The following TNIK variants were observed in gnomAD, a reference collection of about 807,000 sequenced individuals.
TNIK encodes TRAF2 and NCK-interacting protein kinase.
Under a neutral mutation model 191.3 loss-of-function variants are expected in TNIK, and 49 were observed. The observed-to-expected ratio is 0.26, with a 90% CI of 0.20 to 0.32. The LOEUF is 0.32. Ranked by LOEUF, TNIK falls within the 10% of genes least tolerant of loss-of-function variation. The pLI is 1.00. For missense variants in TNIK, 1,155 were observed against 1,702.3 expected, an observed-to-expected ratio of 0.68 and a Z score of 5.66; for synonymous variants, 594 against 600.9, an observed-to-expected ratio of 0.99 and a Z score of 0.17.
At chr3:171,177,529 A>C in intron 7 of TNIK, 149 bp from the exon 8 acceptor site, 1 of 922,724 alleles carries the variant, frequency 1.1e-6, no homozygotes, top group Non-Finnish European at 1.6e-6. Flanking sequence ...AAGCAGAAAC[A>C]GTCTTACTTT....
In TNIK at chr3:171,354,481, A is replaced by G. The variant is rs556463154; in HGVS notation, c.123+15139T>C. 4.6e-5 allele frequency among the ~76,000 whole-genome samples: 7 copies of G among 152,302 alleles called. No individual in the cohort carries two copies. In the South Asian group the frequency reaches 1.5e-3, roughly 32 times the overall value. On this transcript the variant is annotated intron_variant, in intron 2 of 32. Coordinates refer to ENST00000436636, the MANE Select transcript of TNIK (RefSeq NM_015028.4). The stretch of plus-strand genomic sequence containing the variant: ...AGCAGGACTCGGCTGACACAAGACT[A>G]AAGCCTAGGAGTTCTCTGTGTCCTT...
chr3:171,252,574 T>C (rs925505613), intron 2 of TNIK, among the ~76,000 whole-genome samples: 2 of 152,188 alleles, frequency 1.3e-5, no homozygotes, highest in African/African-American at 2.4e-5. Flanking sequence ...CTCTGCATTG[T>C]TCTCCCAGCT....
intron 2 of TNIK, among the ~76,000 whole-genome samples, chr3:171,358,757 A>C (rs1268789746): frequency 6.6e-6 from 1 of 152,204 alleles, no homozygotes; most frequent in East Asian, 1.9e-4. Flanking sequence ...AGTCACCTGC[A>C]GATAATAAAG....
At chr3:171,301,467 G>A (rs996007281) in intron 2 of TNIK, among the ~76,000 whole-genome samples, 3 of 151,840 alleles carry the variant, frequency 2.0e-5, no homozygotes, top group Non-Finnish European at 2.9e-5. Context: ...TGTATACACC[G>A]CCATGCCTGG....
chr3:171,140,013 A>G (rs1730589768), intron 13 of TNIK, among the ~76,000 whole-genome samples: 1 of 152,218 alleles, frequency 6.6e-6, no homozygotes, highest in Admixed American at 6.5e-5. Flanking sequence ...GATTCTAGCA[A>G]AGAGAGATGG....
intron 2 of TNIK, among the ~76,000 whole-genome samples, chr3:171,244,259 G>T (rs1451248445): frequency 1.3e-5 from 2 of 151,838 alleles, no homozygotes; most frequent in Non-Finnish European, 2.9e-5. Flanking sequence ...TAGAGACGGG[G>T]TTTCACCATG....
chr3:171,317,153 T>C (rs892296752), intron 2 of TNIK, among the ~76,000 whole-genome samples: 2 of 152,074 alleles, frequency 1.3e-5, no homozygotes, highest in Non-Finnish European at 2.9e-5. Flanking sequence ...GATGATTAAC[T>C]ACCAAAGTAA....
chr3:171,415,973 C>CAAAA lies in TNIK; in HGVS notation c.57+44030_57+44033dup, dbSNP rs769531813. On this transcript the variant is annotated intron_variant, in intron 1 of 32. Transcript: ENST00000436636. ...CCTGGGTGACAGAGCGAGACTGTCT[C>CAAAA]AAAAAAAAAAAAAAAAAAAAAAAAG... Among the ~76,000 whole-genome samples the CAAAA allele has an allele frequency of 0.023, 279 of 12,316 alleles. 20 individuals carry two copies. The Middle Eastern group carries it at 0.25, about 11-fold the overall frequency. 8.1% of individuals were successfully genotyped at this position (12,316 alleles called of 152,430 possible).
At chr3:171,421,866 G>T (rs1723848955) in intron 1 of TNIK, among the ~76,000 whole-genome samples, 1 of 151,318 alleles carries the variant, frequency 6.6e-6, no homozygotes, top group African/African-American at 2.4e-5. Context: ...CGAGTAGCTG[G>T]GACTACAGGT....
chr3:171,107,983 A>C (rs1451918830), intron 20 of TNIK, 82 bp downstream of exon 20: 4 of 1,403,286 alleles, frequency 2.9e-6, no homozygotes, highest in Non-Finnish European at 3.9e-6. Flanking sequence ...TGTTTGCATC[A>C]TGAGTGTATC....
rs2108288407 is a variant in TNIK, at chr3:171,061,525, T to C, written c.*2356A>G. On this transcript the variant is annotated 3_prime_UTR_variant, in exon 33 of 33. Transcript: ENST00000436636. ...GTTTAAACACAATGATTCCCTTTTA[T>C]TTCTTAACTGTACCCAAAATCCCAC... 1 of 152,290 alleles carries C rather than the reference T, an allele frequency of 6.6e-6. No individual in the cohort carries two copies. The highest frequency in any genetic ancestry group is 3.4e-3 in the Middle Eastern group (1 of 294). 9.4% of individuals were successfully genotyped at this position (152,290 alleles called of 1,614,324 possible). A position where few individuals can be genotyped will look rare whatever the true frequency, so the allele number is the denominator to read the frequency against.
chr3:171,358,343 G>A (rs781526195), intron 2 of TNIK, among the ~76,000 whole-genome samples: 1 of 152,154 alleles, frequency 6.6e-6, no homozygotes, highest in Admixed American at 6.5e-5. Flanking sequence ...AGTCATGGCC[G>A]GAAGTGAATG....
At chr3:171,145,118 G>T in intron 12 of TNIK, among the ~76,000 whole-genome samples, 1 of 140,404 alleles carries the variant, frequency 7.1e-6, no homozygotes, top group Non-Finnish European at 1.5e-5. Context: ...ATGGAGTCTT[G>T]CTCTGTCGCC....
intron 3 of TNIK, chr3:171,225,527 G>A (rs762991789): frequency 2.2e-6 from 1 of 456,088 alleles, no homozygotes; most frequent in African/African-American, 2.0e-5. Flanking sequence ...ATGTAAAATG[G>A]CCTTACCTCT....
intron 4 of TNIK, among the ~76,000 whole-genome samples, chr3:171,209,913 T>C (rs1294128191): frequency 6.6e-6 from 1 of 152,210 alleles, no homozygotes; most frequent in Non-Finnish European, 1.5e-5. Context: ...GTCTGATGCA[T>C]TAAAATAGTT....
At chr3:171,142,110 C>T (rs1015343175) in intron 12 of TNIK, among the ~76,000 whole-genome samples, 2 of 152,200 alleles carry the variant, frequency 1.3e-5, no homozygotes, top group Admixed American at 6.5e-5. Flanking sequence ...AGATAAGCTG[C>T]GTCTCTTAAG....
At chr3:171,076,157 G>T (rs1228899763) in intron 28 of TNIK, among the ~76,000 whole-genome samples, 1 of 151,588 alleles carries the variant, frequency 6.6e-6, no homozygotes, top group African/African-American at 2.4e-5. Context: ...ATGTTATTAA[G>T]TGAGGAACAT....
chr3:171,280,358 C>T (rs1056475174), intron 2 of TNIK, among the ~76,000 whole-genome samples: 14 of 152,202 alleles, frequency 9.2e-5, no homozygotes, highest in Non-Finnish European at 1.9e-4. Flanking sequence ...CTGTACCAGG[C>T]TCTGGCTTCC....
chr3:171,459,361 A>G (rs1002814137), intron 1 of TNIK, among the ~76,000 whole-genome samples: 2 of 152,224 alleles, frequency 1.3e-5, no homozygotes, highest in Non-Finnish European at 2.9e-5. Context: ...CAGAAAGAAC[A>G]GGCAGGGCTG....
Sources: gnomAD v4.1 joint callset for allele counts (sites outside exome capture counted in the v4.1 genomes callset) on GRCh38, gnomAD v4.1.1 for gene constraint, MANE v1.5 for transcripts, NCBI Gene and HGNC (gene_info 2026-07-23, HGNC 2026-07-21) for gene names.